Variants in SLC24A3 observed in about 807,000 individuals in gnomAD.
The protein encoded by SLC24A3 is sodium/potassium/calcium exchanger 3.
Under a neutral mutation model 75.8 loss-of-function variants are expected in SLC24A3, and 28 were observed. The observed-to-expected ratio is 0.37, with a 90% CI of 0.27 to 0.51. The LOEUF is 0.51. Among genes scored for constraint, SLC24A3 ranks in the 20% least tolerant of loss-of-function variants. The pLI, the probability that SLC24A3 is intolerant of heterozygous loss-of-function variation, is 0.94. For missense variants in SLC24A3, 663 were observed against 847.8 expected, an observed-to-expected ratio of 0.78 and a Z score of 2.71; for synonymous variants, 372 against 334.1, an observed-to-expected ratio of 1.11 and a Z score of -1.24.
At chr20:19,621,534 G>A (rs987654634) in intron 6 of SLC24A3, among the ~76,000 whole-genome samples, 20 of 152,196 alleles carry the variant, frequency 1.3e-4, no homozygotes, top group South Asian at 2.1e-4. Flanking sequence ...TTCAGTAGAT[G>A]TTCCTTTTTT....
At chr20:19,233,652 G>T (rs1243180200) in intron 1 of SLC24A3, among the ~76,000 whole-genome samples, 1 of 152,206 alleles carries the variant, frequency 6.6e-6, no homozygotes, top group Non-Finnish European at 1.5e-5. Flanking sequence ...TATTGTGCAG[G>T]ACTGATCTTT....
intron 1 of SLC24A3, 100 bp from the exon 2 acceptor site, chr20:19,280,859 C>T (rs1983639724): frequency 1.3e-6 from 2 of 1,487,066 alleles, no homozygotes; most frequent in Middle Eastern, 2.1e-4. Flanking sequence ...GCAGGCGGGG[C>T]TGAACAAGTG....
chr20:19,681,831 A>G (rs1323923754), intron 9 of SLC24A3, 27 bp from the exon 10 acceptor site: 1 of 1,613,524 alleles, frequency 6.2e-7, no homozygotes, highest in Non-Finnish European at 8.5e-7. Flanking sequence ...ACACTGATGG[A>G]CTCTGCCCAC....
intron 6 of SLC24A3, among the ~76,000 whole-genome samples, chr20:19,601,874 T>G (rs1224888092): frequency 6.6e-6 from 1 of 152,156 alleles, no homozygotes; most frequent in African/African-American, 2.4e-5. Flanking sequence ...TAGCATTAAT[T>G]TAAAGTTATT....
chr20:19,401,150 TC>T (rs1428452650), intron 2 of SLC24A3, among the ~76,000 whole-genome samples: 1 of 152,098 alleles, frequency 6.6e-6, no homozygotes, highest in Non-Finnish European at 1.5e-5. Context: ...CAATTGCTCT[TC>T]CTGAGATTGT....
intron 2 of SLC24A3, among the ~76,000 whole-genome samples, chr20:19,366,753 G>T (rs1054251368): frequency 1.3e-5 from 2 of 152,184 alleles, no homozygotes; most frequent in Non-Finnish European, 2.9e-5. Flanking sequence ...CCATATTGAG[G>T]GGAGTGTGTC....
chr20:19,264,379 G>A (rs1983094139), intron 1 of SLC24A3, among the ~76,000 whole-genome samples: 1 of 152,022 alleles, frequency 6.6e-6, no homozygotes, highest in South Asian at 2.1e-4. Flanking sequence ...ATACAGCATT[G>A]CCCCAAGCAT....
intron 3 of SLC24A3, among the ~76,000 whole-genome samples, chr20:19,520,201 G>C (rs1296740775): frequency 1.3e-5 from 2 of 152,206 alleles, no homozygotes; most frequent in Non-Finnish European, 2.9e-5. Flanking sequence ...ACCCAGACCT[G>C]TCAATAGATG....
Position 19,465,705 on chromosome 20 carries a change from G to A in SLC24A3, c.272-49783G>A, listed in dbSNP as rs1312267264. 2.0e-5 allele frequency among the ~76,000 whole-genome samples: 3 copies of A among 152,222 alleles called. No homozygotes were observed. In the East Asian group the frequency reaches 5.8e-4, roughly 30 times the overall value. Reference sequence around the variant, plus strand: ...GCTCAGCAGGTTCCCCTTTGTCATAGATGTCAGAAAATGTACAGGCAAAGT... The same window carrying A: ...GCTCAGCAGGTTCCCCTTTGTCATAAATGTCAGAAAATGTACAGGCAAAGT... On this transcript the variant is annotated intron_variant, in intron 2 of 16. Transcript: ENST00000328041.
At chr20:19,696,119 G>A (rs1205231143) in intron 13 of SLC24A3, among the ~76,000 whole-genome samples, 1 of 146,760 alleles carries the variant, frequency 6.8e-6, no homozygotes, top group Non-Finnish European at 1.5e-5. Flanking sequence ...CTGGGCTCAA[G>A]CCATCCTCCT....
chr20:19,235,998 A>C (rs568078493), intron 1 of SLC24A3, among the ~76,000 whole-genome samples: 1 of 152,390 alleles, frequency 6.6e-6, no homozygotes, highest in African/African-American at 2.4e-5. Context: ...TGAAGTGCTC[A>C]TGTATGAGAC....
At chr20:19,415,645 A>T (rs1291506881) in intron 2 of SLC24A3, among the ~76,000 whole-genome samples, 3 of 134,982 alleles carry the variant, frequency 2.2e-5, no homozygotes, top group Non-Finnish European at 4.6e-5. Flanking sequence ...AATAAAGCTT[A>T]AAAAAAAAAA....
chr20:19,271,320 T>TA (rs1179760826), intron 1 of SLC24A3, among the ~76,000 whole-genome samples: 9 of 149,474 alleles, frequency 6.0e-5, no homozygotes, highest in African/African-American at 2.2e-4. Flanking sequence ...TGGCCATAAT[T>TA]AAAAAATAAA....
chr20:19,566,794 T>C (rs1254210693), intron 3 of SLC24A3, among the ~76,000 whole-genome samples: 1 of 152,188 alleles, frequency 6.6e-6, no homozygotes, highest in Non-Finnish European at 1.5e-5. Flanking sequence ...TTTCTGCTTC[T>C]CCATCATGCT....
At chr20:19,450,216 C>T (rs1987456622) in intron 2 of SLC24A3, among the ~76,000 whole-genome samples, 1 of 152,188 alleles carries the variant, frequency 6.6e-6, no homozygotes, top group Non-Finnish European at 1.5e-5. Flanking sequence ...GATGGCAGTC[C>T]TCTCCACAGA....
chr20:19,314,365 G>C (rs1233338564), intron 2 of SLC24A3, among the ~76,000 whole-genome samples: 1 of 148,436 alleles, frequency 6.7e-6, no homozygotes, highest in Non-Finnish European at 1.5e-5. Flanking sequence ...CCAGGCTGGA[G>C]TGCAGTGGCG....
chr20:19,388,477 C>T (rs915707295), intron 2 of SLC24A3, among the ~76,000 whole-genome samples: 1 of 152,140 alleles, frequency 6.6e-6, no homozygotes, highest in East Asian at 1.9e-4. Context: ...TTTGGGAGGC[C>T]AAGGCAGGTG....
At chr20:19,346,050 T>C (rs1428107719) in intron 2 of SLC24A3, among the ~76,000 whole-genome samples, 2 of 92,460 alleles carry the variant, frequency 2.2e-5, no homozygotes, top group Admixed American at 2.6e-4. Context: ...CATCAATCAA[T>C]GAATAAAGAA....
intron 2 of SLC24A3, among the ~76,000 whole-genome samples, chr20:19,333,951 A>G (rs1985065370): frequency 2.0e-5 from 3 of 152,110 alleles, no homozygotes; most frequent in Admixed American, 2.0e-4. Context: ...ATGGTTGTGC[A>G]TCCTGTGAGT....
Sources: gnomAD v4.1 joint callset for allele counts (sites outside exome capture counted in the v4.1 genomes callset) on GRCh38, gnomAD v4.1.1 for gene constraint, MANE v1.5 for transcripts, NCBI Gene and HGNC (gene_info 2026-07-23, HGNC 2026-07-21) for gene names.